MAPKAP1: variants seen among roughly 807,000 people sequenced by gnomAD.
The protein encoded by MAPKAP1 is MAPK associated protein 1, also known as target of rapamycin complex 2 subunit MAPKAP1.
In MAPKAP1, 20 loss-of-function variants were observed where a neutral mutation model predicts 65.7. That is an observed-to-expected ratio of 0.30 (90% CI 0.21 to 0.44). The LOEUF is 0.44. Ranked by LOEUF, MAPKAP1 falls within the 20% of genes least tolerant of loss-of-function variation. MAPKAP1 has a pLI of 1.00. For synonymous variants in MAPKAP1, 222 were observed against 244.3 expected, an observed-to-expected ratio of 0.91 and a Z score of 0.85; for missense variants, 423 against 648.0, an observed-to-expected ratio of 0.65 and a Z score of 3.77.
intron 8 of MAPKAP1, among the ~76,000 whole-genome samples, chr9:125,503,880 CTTTTTTTT>C (rs35867576): frequency 2.9e-4 from 19 of 66,248 alleles, no homozygotes; most frequent in African/African-American, 1.3e-3. Context: ...CCACGCTTGG[CTTTTTTTT>C]TTTTTTTTTT....
intron 10 of MAPKAP1, among the ~76,000 whole-genome samples, chr9:125,446,435 A>G (rs1852716245): frequency 6.6e-6 from 1 of 152,202 alleles, no homozygotes; most frequent in Non-Finnish European, 1.5e-5. Context: ...TGTGTTTCTA[A>G]TAAGGAGGTG....
At chr9:125,671,605 T>C (rs1834499303) in intron 2 of MAPKAP1, among the ~76,000 whole-genome samples, 2 of 152,120 alleles carry the variant, frequency 1.3e-5, no homozygotes, top group Non-Finnish European at 2.9e-5. Context: ...AAAAAAGTCC[T>C]TGGTTCATCA....
At chr9:125,679,254 G>A (rs1834748950) in intron 1 of MAPKAP1, among the ~76,000 whole-genome samples, 1 of 152,080 alleles carries the variant, frequency 6.6e-6, no homozygotes, top group South Asian at 2.1e-4. Context: ...CCCCCACCTC[G>A]GCCTCCCAAA....
chr9:125,482,165 A>G (rs957779905), intron 9 of MAPKAP1, among the ~76,000 whole-genome samples: 5 of 151,662 alleles, frequency 3.3e-5, no homozygotes, highest in Non-Finnish European at 7.4e-5. Context: ...AAGAAGAAAG[A>G]AAGTGTACAC....
intron 4 of MAPKAP1, 62 bp from the exon 5 acceptor site, chr9:125,585,789 C>T: frequency 4.6e-6 from 7 of 1,522,908 alleles, no homozygotes; most frequent in Non-Finnish European, 6.3e-6. Context: ...CCCCACTGCT[C>T]TCCAGGCCTG....
At chr9:125,599,395 A>G (rs1246738646) in intron 4 of MAPKAP1, among the ~76,000 whole-genome samples, 1 of 152,160 alleles carries the variant, frequency 6.6e-6, no homozygotes, top group Non-Finnish European at 1.5e-5. Context: ...TTTACTCATT[A>G]GTCTTAGTGC....
intron 5 of MAPKAP1, among the ~76,000 whole-genome samples, chr9:125,580,845 T>C (rs1831601873): frequency 6.6e-6 from 1 of 152,224 alleles, no homozygotes; most frequent in Admixed American, 6.5e-5. Flanking sequence ...AGCTCTTTTT[T>C]ACCACCCGTT....
chr9:125,641,853 G>A lies in MAPKAP1; in HGVS notation c.498+15798C>T, dbSNP rs557842988. ...TCAAGACCAGCCTCACCAACATGGTGAAACCCCATCTCTACTAAAAATACA... is the reference window on the plus strand; with the variant it reads ...TCAAGACCAGCCTCACCAACATGGTAAAACCCCATCTCTACTAAAAATACA... On this transcript the variant is annotated intron_variant, in intron 4 of 11. Transcript: ENST00000265960. Among the ~76,000 whole-genome samples, 6 of 152,150 alleles carry A rather than the reference G, an allele frequency of 3.9e-5. No individual in the cohort carries two copies. In the East Asian group the frequency reaches 1.2e-3, roughly 29 times the overall value.
chr9:125,464,204 TAAAAAAAAA>T (rs57497941), intron 10 of MAPKAP1, among the ~76,000 whole-genome samples: 4 of 83,300 alleles, frequency 4.8e-5, no homozygotes, highest in East Asian at 4.1e-4. Flanking sequence ...TCTCATATAT[TAAAAAAAAA>T]AAAAAAAAAA....
At chr9:125,519,214 C>G (rs983527771) in intron 7 of MAPKAP1, among the ~76,000 whole-genome samples, 1 of 152,032 alleles carries the variant, frequency 6.6e-6, no homozygotes, top group African/African-American at 2.4e-5. Context: ...TGGGATAGAG[C>G]CTGTTCAAGA....
chr9:125,602,559 A>G (rs1832329381), intron 4 of MAPKAP1, among the ~76,000 whole-genome samples: 1 of 152,142 alleles, frequency 6.6e-6, no homozygotes, highest in South Asian at 2.1e-4. Context: ...CACAAAGTAA[A>G]AGTAGCCAGC....
intron 4 of MAPKAP1, among the ~76,000 whole-genome samples, chr9:125,628,885 C>CAAG (rs150656951): frequency 7.0e-6 from 1 of 143,102 alleles, no homozygotes; most frequent in African/African-American, 2.5e-5. Flanking sequence ...ACAACAACAA[C>CAAG]AAGAACAACA....
chr9:125,495,898 C>T (rs1854923761), intron 8 of MAPKAP1, among the ~76,000 whole-genome samples: 1 of 152,220 alleles, frequency 6.6e-6, no homozygotes, highest in Non-Finnish European at 1.5e-5. Context: ...AGGGTCACCA[C>T]ACACATGCTC....
At chr9:125,534,977 A>G (rs1300643492) in intron 7 of MAPKAP1, among the ~76,000 whole-genome samples, 1 of 152,230 alleles carries the variant, frequency 6.6e-6, no homozygotes, top group East Asian at 1.9e-4. Flanking sequence ...AAGCTGCTTG[A>G]GAGTAGGAAC....
intron 7 of MAPKAP1, among the ~76,000 whole-genome samples, chr9:125,514,907 C>T (rs568468539): frequency 2.6e-5 from 4 of 152,240 alleles, no homozygotes; most frequent in South Asian, 2.1e-4. Context: ...TATCAGAGCT[C>T]GGACCCAACA....
intron 10 of MAPKAP1, among the ~76,000 whole-genome samples, chr9:125,456,137 G>T (rs1245059274): frequency 7.7e-6 from 1 of 129,340 alleles, no homozygotes; most frequent in Non-Finnish European, 1.6e-5. Context: ...GTTTCTCTAC[G>T]TAATATGTCT....
intron 10 of MAPKAP1, among the ~76,000 whole-genome samples, chr9:125,464,978 T>G (rs768660946): frequency 6.6e-6 from 1 of 152,104 alleles, no homozygotes; most frequent in Non-Finnish European, 1.5e-5. Flanking sequence ...GACAAACATG[T>G]CTCAACTAAG....
intron 4 of MAPKAP1, among the ~76,000 whole-genome samples, chr9:125,617,679 TAAG>T (rs1206882541): frequency 6.6e-6 from 1 of 152,068 alleles, no homozygotes. Flanking sequence ...GACGTAATGT[TAAG>T]AGGAAAAAGT....
At chr9:125,553,035 A>G (rs969473079) in intron 6 of MAPKAP1, among the ~76,000 whole-genome samples, 3 of 152,214 alleles carry the variant, frequency 2.0e-5, no homozygotes, top group African/African-American at 7.2e-5. Context: ...AACTAAAAGC[A>G]AAATTATATG....
Sources: gnomAD v4.1 joint callset for allele counts (sites outside exome capture counted in the v4.1 genomes callset) on GRCh38, gnomAD v4.1.1 for gene constraint, MANE v1.5 for transcripts, NCBI Gene and HGNC (gene_info 2026-07-23, HGNC 2026-07-21) for gene names.